The following EEFSEC variants were observed in gnomAD, a reference collection of about 807,000 sequenced individuals.
EEFSEC encodes the protein selenocysteine-specific elongation factor.
A neutral mutation model predicts 42.1 loss-of-function variants in EEFSEC; 43 were observed. That is an observed-to-expected ratio of 1.02 (90% CI 0.80 to 1.32). EEFSEC has a LOEUF of 1.32. Ranked by LOEUF, EEFSEC falls within the 40% of genes most tolerant of loss-of-function variation. The pLI is 0.00. For synonymous variants in EEFSEC, 354 were observed against 339.1 expected, an observed-to-expected ratio of 1.04 and a Z score of -0.48; for missense variants, 745 against 803.6, an observed-to-expected ratio of 0.93 and a Z score of 0.88.
chr3:128,221,412 A>C (rs1298697584), intron 1 of EEFSEC, among the ~76,000 whole-genome samples: 1 of 152,206 alleles, frequency 6.6e-6, no homozygotes, highest in Admixed American at 6.5e-5. Context: ...GTGGAGATTA[A>C]ATTGCTTGCT....
At chr3:128,373,001 C>T (rs1465803322) in intron 6 of EEFSEC, among the ~76,000 whole-genome samples, 1 of 152,208 alleles carries the variant, frequency 6.6e-6, no homozygotes, top group African/African-American at 2.4e-5. Flanking sequence ...GGAGTAATAA[C>T]AATAACACCT....
intron 1 of EEFSEC, among the ~76,000 whole-genome samples, chr3:128,189,707 C>A (rs2107801744): frequency 6.6e-6 from 1 of 151,314 alleles, no homozygotes; most frequent in African/African-American, 2.4e-5. Flanking sequence ...AAGGTCCTCA[C>A]CACCATGCCC....
intron 1 of EEFSEC, among the ~76,000 whole-genome samples, chr3:128,167,018 C>T (rs780807398): frequency 2.6e-5 from 4 of 152,134 alleles, no homozygotes; most frequent in Non-Finnish European, 5.9e-5. Flanking sequence ...AGCTGGCTGA[C>T]GAGGCCCCTC....
Position 128,185,696 on chromosome 3 carries a change from C to T in EEFSEC, c.316+31873C>T, listed in dbSNP as rs748453859. 1.6e-4 allele frequency among the ~76,000 whole-genome samples: 24 copies of T among 152,092 alleles called. No individual in the cohort carries two copies. In the South Asian group the frequency reaches 1.7e-3, roughly 11 times the overall value. The stretch of plus-strand genomic sequence containing the variant: ...CCTGCTTCAGCATCCCAAAGTGCTA[C>T]GATTACAGGTGTTAGCTACCACGCC... On this transcript the variant is annotated intron_variant, in intron 1 of 6. Transcript: ENST00000254730.
At chr3:128,359,838 G>C (rs13092873) in intron 6 of EEFSEC, among the ~76,000 whole-genome samples, 1 of 152,300 alleles carries the variant, frequency 6.6e-6, no homozygotes, top group African/African-American at 2.4e-5. Context: ...CTCCTAAAGA[G>C]AAGGTGGTGC....
intron 4 of EEFSEC, among the ~76,000 whole-genome samples, chr3:128,299,752 A>G (rs1249929470): frequency 6.6e-6 from 1 of 152,226 alleles, no homozygotes; most frequent in Non-Finnish European, 1.5e-5. Context: ...CAGCCCTAAC[A>G]TGAGGATTAT....
intron 4 of EEFSEC, among the ~76,000 whole-genome samples, chr3:128,307,344 C>T (rs1433832307): frequency 6.6e-6 from 1 of 152,152 alleles, no homozygotes; most frequent in Non-Finnish European, 1.5e-5. Flanking sequence ...GAGGAAAGGG[C>T]TTGGTTTATT....
chr3:128,262,665 C>T (rs1434070621), intron 3 of EEFSEC, among the ~76,000 whole-genome samples: 1 of 152,194 alleles, frequency 6.6e-6, no homozygotes, highest in Non-Finnish European at 1.5e-5. Context: ...AGCCCAACAG[C>T]AGGGGCAATG....
chr3:128,245,725 G>A (rs577321067), intron 1 of EEFSEC, among the ~76,000 whole-genome samples: 1 of 152,260 alleles, frequency 6.6e-6, no homozygotes, highest in Non-Finnish European at 1.5e-5. Context: ...TAGAGCACAT[G>A]ACCTAGACCC....
At chr3:128,296,814 G>A (rs1414241416) in intron 4 of EEFSEC, among the ~76,000 whole-genome samples, 5 of 152,236 alleles carry the variant, frequency 3.3e-5, no homozygotes. Context: ...GTGGCTTACA[G>A]TCAGTACTCT....
At chr3:128,326,926 T>C (rs2067069873) in intron 4 of EEFSEC, among the ~76,000 whole-genome samples, 1 of 152,188 alleles carries the variant, frequency 6.6e-6, no homozygotes, top group Admixed American at 6.5e-5. Context: ...AAACCCTTGT[T>C]CTATGCGCTG....
chr3:128,287,293 A>AG (rs1440485605), intron 4 of EEFSEC, among the ~76,000 whole-genome samples: 2 of 152,042 alleles, frequency 1.3e-5, no homozygotes, highest in Non-Finnish European at 2.9e-5. Context: ...TGCAGCTCCA[A>AG]GGGGGCAGGC....
At chr3:128,286,727 C>T (rs969553443) in intron 4 of EEFSEC, among the ~76,000 whole-genome samples, 4 of 152,242 alleles carry the variant, frequency 2.6e-5, no homozygotes, top group African/African-American at 9.6e-5. Flanking sequence ...GTATTAGAGA[C>T]AGGGTGTGTG....
At chr3:128,227,694 G>A (rs1388941551) in intron 1 of EEFSEC, among the ~76,000 whole-genome samples, 2 of 152,206 alleles carry the variant, frequency 1.3e-5, no homozygotes, top group African/African-American at 4.8e-5. Context: ...TGGGTCCGGG[G>A]GTGAATTGAG....
chr3:128,155,167 T>G (rs1944355309), intron 1 of EEFSEC, among the ~76,000 whole-genome samples: 1 of 152,118 alleles, frequency 6.6e-6, no homozygotes, highest in African/African-American at 2.4e-5. Context: ...CAGGCTGGAG[T>G]GCAGTGGTGC....
At chr3:128,350,825 C>T (rs2067376318) in intron 5 of EEFSEC, among the ~76,000 whole-genome samples, 2 of 152,184 alleles carry the variant, frequency 1.3e-5, no homozygotes, top group African/African-American at 2.4e-5. Context: ...TTGATGAGAC[C>T]TGGGCTACTT....
chr3:128,197,543 GA>G (rs1409816511), intron 1 of EEFSEC, among the ~76,000 whole-genome samples: 1 of 152,104 alleles, frequency 6.6e-6, no homozygotes, highest in East Asian at 1.9e-4. Context: ...AAAGTGCTAG[GA>G]TTACAGGTGT....
At chr3:128,243,264 G>C (rs2107891526) in intron 1 of EEFSEC, among the ~76,000 whole-genome samples, 1 of 152,316 alleles carries the variant, frequency 6.6e-6, no homozygotes, top group East Asian at 1.9e-4. Flanking sequence ...TCAGGCTGCA[G>C]ATGAAATCCC....
intron 4 of EEFSEC, among the ~76,000 whole-genome samples, chr3:128,337,689 G>C (rs1454778249): frequency 6.6e-6 from 1 of 152,220 alleles, no homozygotes; most frequent in East Asian, 1.9e-4. Context: ...TCCTGTGCTG[G>C]GCACTGAGGA....
Sources: gnomAD v4.1 joint callset for allele counts (sites outside exome capture counted in the v4.1 genomes callset) on GRCh38, gnomAD v4.1.1 for gene constraint, MANE v1.5 for transcripts, NCBI Gene and HGNC (gene_info 2026-07-23, HGNC 2026-07-21) for gene names.